The following SLC35F5 variants were observed in gnomAD, a reference collection of about 807,000 sequenced individuals.
SLC35F5 encodes the protein HCV NS5A-transactivated protein 3.
Under a neutral mutation model 68.6 loss-of-function variants are expected in SLC35F5, and 54 were observed. The ratio of observed to expected loss-of-function variants is 0.79; its 90% CI spans 0.63 to 0.99. The LOEUF is 0.99. SLC35F5 is among the 50% of genes least tolerant of loss of function. SLC35F5 has a pLI of 0.00. For synonymous variants in SLC35F5, 211 were observed against 205.2 expected, an observed-to-expected ratio of 1.03 and a Z score of -0.24; for missense variants, 567 against 626.9, an observed-to-expected ratio of 0.90 and a Z score of 1.02.
rs984890276 is a variant in SLC35F5 at position 113,744,967 on chromosome 2, A to T, written c.481-1173T>A. On this transcript the variant is annotated intron_variant, in intron 5 of 15. Coordinates refer to ENST00000245680, the MANE Select transcript of SLC35F5 (RefSeq NM_025181.5). ...CAACTAGGCTGATTCTTCAAAATTA[A>T]CAGAACTTTTTTTTATTTCTTTGAT... Among the ~76,000 whole-genome samples, 11 of 152,290 alleles carry T rather than the reference A, an allele frequency of 7.2e-5. No homozygotes were observed. The East Asian group carries it at 2.1e-3, about 29-fold the overall frequency.
chr2:113,743,622 G>T, intron 6 of SLC35F5, 91 bp downstream of exon 6: 2 of 960,926 alleles, frequency 2.1e-6, no homozygotes, highest in Non-Finnish European at 3.2e-6. Flanking sequence ...GAGCAGAACT[G>T]CTACATGTTT....
chr2:113,755,385 A>C, intron 2 of SLC35F5, 69 bp downstream of exon 2: 1 of 1,606,020 alleles, frequency 6.2e-7, no homozygotes, highest in Non-Finnish European at 8.5e-7. Context: ...TTAGTATAAC[A>C]GAAACATTTG....
In SLC35F5 at chr2:113,719,274, A is replaced by G. The variant is rs1559319486; in HGVS notation, c.1376T>C (p.Ile459Thr). 4.4e-6 allele frequency: 7 copies of G among 1,577,770 alleles called. No individual in the cohort carries two copies. The highest frequency in any genetic ancestry group is 6.0e-6 in the Non-Finnish European group (7 of 1,172,538). ...AATAAAAAATGAAAAAAATACAGGG[A>G]TAGCTCCTGCAAAAAATAACCAAGA... ...QFSWLFFAGA[I>T]PVFFSFFIVT... is the part of the protein sequence containing the mutation. Residue 459 changes from isoleucine to threonine, a missense_variant, in exon 14 of 16, where the codon ATC becomes ACC. Physicochemically the swap from Ile to Thr is moderately conservative, Grantham distance 89 (BLOSUM62 -1). Coordinates refer to ENST00000245680, the MANE Select transcript of SLC35F5 (RefSeq NM_025181.5).
intron 3 of SLC35F5, among the ~76,000 whole-genome samples, chr2:113,753,183 T>C (rs1447417730): frequency 7.5e-6 from 1 of 134,210 alleles, no homozygotes; most frequent in Non-Finnish European, 1.6e-5. Context: ...TTTTTTTTTT[T>C]TTTTTTTTTT....
intron 10 of SLC35F5, among the ~76,000 whole-genome samples, chr2:113,729,836 T>C (rs1289743534): frequency 6.6e-6 from 1 of 152,200 alleles, no homozygotes; most frequent in South Asian, 2.1e-4. Flanking sequence ...GCATGTTTCT[T>C]ATTTTACCCT....
At chr2:113,703,295 C>A (rs1390032285), downstream of SLC35F5, among the ~76,000 whole-genome samples, 1 of 152,124 alleles carries the variant, frequency 6.6e-6, no homozygotes, top group Non-Finnish European at 1.5e-5. Context: ...TCACGAGTTA[C>A]AACCCCTATT....
rs777974967 is a variant in SLC35F5 at position 113,709,364 on chromosome 2, G to A, written c.*5854C>T. Among the ~76,000 whole-genome samples the A allele has an allele frequency of 2.3e-4, 35 of 152,232 alleles. No homozygotes were observed. Among genetic ancestry groups the A allele is most frequent in the Non-Finnish European group, 4.3e-4 (29 of 68,036 alleles). ...CTGGAACTACAAAATTAAACTTTTA[G>A]AATCACAGCATTTTACACCTGAGAG... is the stretch of plus-strand genomic sequence containing the variant. On this transcript the variant is annotated 3_prime_UTR_variant, in exon 16 of 16. Transcript: ENST00000245680.
chr2:113,736,350 T>C (rs939315038), intron 7 of SLC35F5, among the ~76,000 whole-genome samples: 1 of 150,036 alleles, frequency 6.7e-6, no homozygotes, highest in African/African-American at 2.4e-5. Context: ...GAGGCTGAGG[T>C]GGGAAGATTA....
At chr2:113,755,095 G>T in intron 3 of SLC35F5, 70 bp downstream of exon 3, 1 of 1,467,086 alleles carries the variant, frequency 6.8e-7, no homozygotes. Flanking sequence ...GTAACGGCTA[G>T]AGTTACTACA....
chr2:113,717,334 A>G (rs2166965), intron 15 of SLC35F5: 30,659 of 152,646 alleles, frequency 0.2, 3,846 homozygotes, highest in Middle Eastern at 0.48. Context: ...TATATTGTAC[A>G]CCAGAATATT....
At position 113,756,393 on chromosome 2, in the gene SLC35F5, C is replaced by A. The variant is rs1458361319; in HGVS notation, c.17G>T (p.Arg6Leu). The A allele has an allele frequency of 4.5e-6, 7 of 1,564,960 alleles. No individual in the cohort carries two copies. The highest frequency in any genetic ancestry group is 3.7e-5 in the Admixed American group (2 of 53,772). Residue 6 changes from arginine (R) to leucine (L), a missense_variant, in exon 1 of 16, where the codon CGC becomes CTC. Arg to Leu is a moderately radical substitution (Grantham distance 102, BLOSUM62 -2). Coordinates refer to ENST00000245680, the MANE Select transcript of SLC35F5 (RefSeq NM_025181.5). Reference sequence around the variant, plus strand: ...ACCTGGCCTTCCTGCCCCGCGATGGCGTCGTGGCGGCACCATGAGCGGACC... The same window carrying A: ...ACCTGGCCTTCCTGCCCCGCGATGGAGTCGTGGCGGCACCATGAGCGGACC... MVPPR[R>L]HRGAGRPGVL...
intron 7 of SLC35F5, 188 bp downstream of exon 7, chr2:113,742,503 CT>C (rs1676315708): frequency 1.7e-6 from 1 of 601,488 alleles, no homozygotes; most frequent in African/African-American, 1.9e-5. Context: ...TGAATTCTAA[CT>C]CTTTGAGGTA....
At chr2:113,704,684 TGCCGGCCGCTCCGAGTGCGGGGCCC>T (rs1411412699), downstream of SLC35F5, among the ~76,000 whole-genome samples, 11 of 151,614 alleles carry the variant, frequency 7.3e-5, 1 homozygote, top group East Asian at 1.8e-3. Context: ...CGGCAGGGCC[TGCCGGCCGCTCCGAGTGCGGGGCCC>T]GCCGAGCCCA....
chr2:113,734,774 C>T (rs2104445508), intron 8 of SLC35F5, 101 bp from the exon 9 acceptor site: 3 of 659,956 alleles, frequency 4.5e-6, no homozygotes, highest in East Asian at 5.5e-5. Flanking sequence ...ATATACCTAC[C>T]TTTCAAATTA....
rs1687113534 is a variant in SLC35F5 at position 113,714,702 on chromosome 2, ATAAAT to A, written c.*511_*515del. The A allele has an allele frequency of 6.6e-6, 1 of 152,202 alleles. No individual in the cohort carries two copies. The highest frequency in any genetic ancestry group is 2.4e-5 in the African/African-American group (1 of 41,466). The allele number at this position is 152,202 out of a possible 1,614,324, so 9.4% of individuals were successfully genotyped here. ...AAATTTGCACAAACATGCTTGTTGC[ATAAAT>A]TAAACATTTTTTGTGTGGTTAATTT... On this transcript the variant is annotated 3_prime_UTR_variant, in exon 16 of 16. Coordinates refer to ENST00000245680, the MANE Select transcript of SLC35F5 (RefSeq NM_025181.5).
At position 113,735,767 on chromosome 2, in the gene SLC35F5, A is replaced by G. The variant is rs370438855; in HGVS notation, c.832+10T>C. 112 of 1,580,882 alleles carry G rather than the reference A, an allele frequency of 7.1e-5. No individual in the cohort carries two copies. In the African/African-American group the frequency reaches 1.4e-3, roughly 20 times the overall value. The stretch of plus-strand genomic sequence containing the variant: ...TTTATAATGCAGATTTTTAAAGACA[A>G]ATTTCTTACCGGAAGTTGAAGATAA... On this transcript the variant is annotated intron_variant, in intron 8 of 15. Coordinates refer to ENST00000245680, the MANE Select transcript of SLC35F5 (RefSeq NM_025181.5).
downstream of SLC35F5, among the ~76,000 whole-genome samples, chr2:113,706,526 C>G (rs1686802993): frequency 6.6e-6 from 1 of 152,178 alleles, no homozygotes. Flanking sequence ...ATGTAGGTCT[C>G]TTATTCAGGA....
intron 9 of SLC35F5, among the ~76,000 whole-genome samples, chr2:113,732,705 T>C (rs1349263791): frequency 2.0e-5 from 3 of 152,194 alleles, no homozygotes; most frequent in African/African-American, 7.2e-5. Flanking sequence ...ATTATGATAA[T>C]GGCTAAATAT....
intron 7 of SLC35F5, among the ~76,000 whole-genome samples, chr2:113,740,959 T>C (rs1342768506): frequency 6.6e-6 from 1 of 152,094 alleles, no homozygotes; most frequent in East Asian, 1.9e-4. Context: ...AAATTATCTG[T>C]TAGCTCTCTG....
Sources: allele counts gnomAD v4.1 joint callset (sites outside exome capture counted in the v4.1 genomes callset), GRCh38; gene constraint gnomAD v4.1.1; transcripts MANE v1.5; gene names NCBI Gene and HGNC (gene_info 2026-07-23, HGNC 2026-07-21).